Variants in STX8 observed in about 807,000 individuals in gnomAD.
The protein encoded by STX8 is syntaxin 8, also known as syntaxin-8.
STX8 carries 23 observed loss-of-function variants against 37.5 expected under a neutral mutation model. The ratio of observed to expected loss-of-function variants is 0.61; its 90% confidence interval spans 0.44 to 0.87. The LOEUF (loss-of-function observed/expected upper bound fraction) is 0.87. Among genes scored for constraint, STX8 ranks in the 40% least tolerant of loss-of-function variants. STX8 has a pLI of 0.00. For synonymous variants in STX8, 115 were observed against 99.1 expected, an observed-to-expected ratio of 1.16 and a Z score of -0.95; for missense variants, 313 against 284.7, an observed-to-expected ratio of 1.10 and a Z score of -0.71.
At chr17:9,568,240 C>A in intron 2 of STX8, 131 bp downstream of exon 2, 1 of 633,636 alleles carries the variant, frequency 1.6e-6, no homozygotes, top group South Asian at 2.1e-5. Flanking sequence ...GGTGTTATGT[C>A]AATTCAACAT....
chr17:9,403,652 T>A (rs201120355), intron 6 of STX8, among the ~76,000 whole-genome samples: 8 of 151,218 alleles, frequency 5.3e-5, no homozygotes, highest in East Asian at 4.0e-4. Context: ...TTTTTTTTTT[T>A]ATTTTTTCCC....
chr17:9,440,963 G>A (rs1253245678), intron 6 of STX8, among the ~76,000 whole-genome samples: 2 of 152,038 alleles, frequency 1.3e-5, no homozygotes, highest in South Asian at 2.1e-4. Flanking sequence ...GCTTCACCAT[G>A]GCTGGCCTCC....
At chr17:9,293,933 T>A (rs1001205936) in intron 7 of STX8, among the ~76,000 whole-genome samples, 1 of 151,624 alleles carries the variant, frequency 6.6e-6, no homozygotes, top group Non-Finnish European at 1.5e-5. Flanking sequence ...GGCTAATTTT[T>A]TTTTTGTATT....
intron 7 of STX8, among the ~76,000 whole-genome samples, chr17:9,337,297 A>C (rs1441802101): frequency 6.6e-6 from 1 of 152,050 alleles, no homozygotes; most frequent in Non-Finnish European, 1.5e-5. Flanking sequence ...ACTTATTTCA[A>C]TGTCCATACT....
At chr17:9,516,838 T>C (rs185245134) in intron 4 of STX8, among the ~76,000 whole-genome samples, 4 of 152,298 alleles carry the variant, frequency 2.6e-5, no homozygotes, top group African/African-American at 7.2e-5. Context: ...GTATCCCTCC[T>C]GGGCAATTCC....
chr17:9,338,810 G>A (rs1159445827), intron 7 of STX8, among the ~76,000 whole-genome samples: 3 of 152,138 alleles, frequency 2.0e-5, no homozygotes, highest in East Asian at 3.9e-4. Context: ...CGTGGCTTAC[G>A]CCTGTAATCC....
chr17:9,503,710 T>C (rs1399662474), intron 5 of STX8, among the ~76,000 whole-genome samples: 5 of 152,216 alleles, frequency 3.3e-5, no homozygotes, highest in Admixed American at 6.5e-5. Flanking sequence ...GAAAGAATAA[T>C]GTATCTGTAC....
At chr17:9,263,957 C>G (rs1001494693) in intron 7 of STX8, among the ~76,000 whole-genome samples, 11 of 152,218 alleles carry the variant, frequency 7.2e-5, no homozygotes, top group African/African-American at 2.7e-4. Context: ...AGAAGTGACA[C>G]TCTGTGACTT....
At chr17:9,440,525 ATTT>A (rs546756533) in intron 6 of STX8, among the ~76,000 whole-genome samples, 1 of 99,796 alleles carries the variant, frequency 1.0e-5, no homozygotes. Flanking sequence ...TGAATCAATG[ATTT>A]TTTTTTTTTT....
chr17:9,328,921 G>A (rs1909867470), intron 7 of STX8, among the ~76,000 whole-genome samples: 1 of 151,852 alleles, frequency 6.6e-6, no homozygotes, highest in Non-Finnish European at 1.5e-5. Context: ...GTGGTGACAG[G>A]CACCTGTAGT....
At chr17:9,561,467 T>G (rs1907226742) in intron 2 of STX8, among the ~76,000 whole-genome samples, 1 of 152,036 alleles carries the variant, frequency 6.6e-6, no homozygotes, top group African/African-American at 2.4e-5. Flanking sequence ...GAGACCAGCC[T>G]AGCCAACATG....
At position 9,421,299 on chromosome 17, in the gene STX8, G is replaced by A. The variant is rs1319934076; in HGVS notation, c.542-42646C>T. ...CCCAGCTACTCGGGAGGCTGAGGCA[G>A]GAGAATCGCTTGAACCCGCGAGGCA... On this transcript the variant is annotated intron_variant, in intron 6 of 7. Transcript: ENST00000306357. 3.3e-5 allele frequency among the ~76,000 whole-genome samples: 5 copies of A among 150,274 alleles called. No homozygotes were observed. The East Asian group carries it at 9.8e-4, about 29-fold the overall frequency.
intron 6 of STX8, among the ~76,000 whole-genome samples, chr17:9,476,195 C>T (rs1056790341): frequency 2.6e-5 from 4 of 152,196 alleles, no homozygotes; most frequent in East Asian, 3.9e-4. Flanking sequence ...CAAAACAAAA[C>T]GAAACCTACC....
intron 7 of STX8, among the ~76,000 whole-genome samples, chr17:9,285,755 A>G (rs1908051184): frequency 6.6e-6 from 1 of 152,250 alleles, no homozygotes; most frequent in South Asian, 2.1e-4. Flanking sequence ...TAGTACATGT[A>G]CCAATGCCTG....
At chr17:9,566,360 T>C (rs1907460297) in intron 2 of STX8, among the ~76,000 whole-genome samples, 1 of 152,172 alleles carries the variant, frequency 6.6e-6, no homozygotes, top group East Asian at 1.9e-4. Context: ...TTAGTGGGAG[T>C]GTAAATCAGT....
chr17:9,482,566 A>T (rs1906390969), intron 6 of STX8, among the ~76,000 whole-genome samples: 2 of 152,174 alleles, frequency 1.3e-5, no homozygotes. Flanking sequence ...ACAGTTTGAG[A>T]GGCATTTGAG....
chr17:9,265,414 T>C (rs1002517000), intron 7 of STX8, among the ~76,000 whole-genome samples: 1 of 152,232 alleles, frequency 6.6e-6, no homozygotes, highest in Non-Finnish European at 1.5e-5. Flanking sequence ...GGGCACACTG[T>C]GTATGGGCCC....
At chr17:9,409,085 C>A (rs1417996678) in intron 6 of STX8, among the ~76,000 whole-genome samples, 2 of 151,786 alleles carry the variant, frequency 1.3e-5, no homozygotes, top group Non-Finnish European at 2.9e-5. Context: ...CAACCCCCTG[C>A]CCCCGCCCCC....
chr17:9,346,765 C>T (rs190698412), intron 7 of STX8, among the ~76,000 whole-genome samples: 11 of 152,178 alleles, frequency 7.2e-5, no homozygotes, highest in Admixed American at 7.2e-4. Flanking sequence ...TGAATCTGGT[C>T]TGATGTTCTT....
Sources: allele counts gnomAD v4.1 joint callset (sites outside exome capture counted in the v4.1 genomes callset), GRCh38; gene constraint gnomAD v4.1.1; transcripts MANE v1.5; gene names NCBI Gene and HGNC (gene_info 2026-07-23, HGNC 2026-07-21).